Variants in CTTN observed in about 807,000 individuals in gnomAD.
CTTN encodes the protein src substrate cortactin.
Under a neutral mutation model 84.0 loss-of-function variants are expected in CTTN, and 28 were observed. The ratio of observed to expected loss-of-function variants is 0.33; its 90% CI spans 0.25 to 0.46. The LOEUF (loss-of-function observed/expected upper bound fraction) is 0.46. Ranked by LOEUF, CTTN falls within the 20% of genes least tolerant of loss-of-function variation. The pLI is 1.00. For synonymous variants in CTTN, 301 were observed against 288.8 expected, an observed-to-expected ratio of 1.04 and a Z score of -0.43; for missense variants, 641 against 723.8, an observed-to-expected ratio of 0.89 and a Z score of 1.31.
intron 11 of CTTN, chr11:70,422,354 C>G (rs1335196725): frequency 2.1e-6 from 1 of 467,718 alleles, no homozygotes; most frequent in Non-Finnish European, 3.9e-6. Flanking sequence ...GGTAGACACA[C>G]CTGGGGTGGT....
chr11:70,404,402 G>A (rs2058020352), intron 1 of CTTN, among the ~76,000 whole-genome samples: 1 of 152,128 alleles, frequency 6.6e-6, no homozygotes, highest in Non-Finnish European at 1.5e-5. Context: ...TGGGGAGCTG[G>A]AGTCTTGCTC....
intron 17 of CTTN, 24 bp downstream of exon 17, chr11:70,433,742 G>T: frequency 1.3e-6 from 2 of 1,561,954 alleles, no homozygotes; most frequent in Non-Finnish European, 8.8e-7. Context: ...AAAAGCACTT[G>T]GAGGGGAGAC....
intron 14 of CTTN, among the ~76,000 whole-genome samples, chr11:70,430,622 G>A (rs2058344440): frequency 6.6e-6 from 1 of 152,100 alleles, no homozygotes; most frequent in South Asian, 2.1e-4. Context: ...TGGGGTCTGG[G>A]GACTGCGATG....
chr11:70,406,729 A>G (rs2058044487), intron 2 of CTTN, among the ~76,000 whole-genome samples: 1 of 152,188 alleles, frequency 6.6e-6, no homozygotes, highest in African/African-American at 2.4e-5. Flanking sequence ...TTCCAAGTAG[A>G]GAGTAAAGCA....
chr11:70,417,495 ATT>A (rs796875768), intron 8 of CTTN, among the ~76,000 whole-genome samples: 1 of 141,054 alleles, frequency 7.1e-6, no homozygotes, highest in Non-Finnish European at 1.6e-5. Flanking sequence ...TGACCTGTAA[ATT>A]TTTTTTTTTT....
chr11:70,409,706 A>T, intron 4 of CTTN, 125 bp from the exon 5 acceptor site: 1 of 1,088,504 alleles, frequency 9.2e-7, no homozygotes, highest in Non-Finnish European at 1.4e-6. Context: ...AGAATCGGTG[A>T]ACATCAGATA....
Position 70,436,520 on chromosome 11 carries a change from C to T in CTTN, c.*1358C>T, listed in dbSNP as rs1009665341. On this transcript the variant is annotated 3_prime_UTR_variant, in exon 18 of 18. Transcript: ENST00000301843. ...TTGTATCTGAATTCCTGTAGCACAC[C>T]TCATAGGTATGATTTTTTTAAATTA... The T allele has an allele frequency of 2.3e-6, 2 of 869,350 alleles. No individual in the cohort carries two copies. The highest frequency in any genetic ancestry group is 3.6e-6 in the Non-Finnish European group (2 of 561,852). 53.9% of individuals were successfully genotyped at this position (869,350 alleles called of 1,614,324 possible).
chr11:70,410,624 G>A (rs1021008245), intron 5 of CTTN, among the ~76,000 whole-genome samples: 1 of 152,194 alleles, frequency 6.6e-6, no homozygotes, highest in Non-Finnish European at 1.5e-5. Context: ...AGGGAGCCAC[G>A]TTAGCTCAGG....
At chr11:70,431,141 G>T in intron 14 of CTTN, 50 bp from the exon 15 acceptor site, 1 of 1,558,350 alleles carries the variant, frequency 6.4e-7, no homozygotes, top group South Asian at 1.1e-5. Flanking sequence ...AGGCGTGACA[G>T]TGCAGAGTGT....
intron 5 of CTTN, among the ~76,000 whole-genome samples, chr11:70,410,754 C>G (rs1316921722): frequency 6.6e-6 from 1 of 152,196 alleles, no homozygotes; most frequent in Non-Finnish European, 1.5e-5. Flanking sequence ...TAAGCTTGTT[C>G]TGACCTGACA....
chr11:70,420,048 AT>A (rs1367992658), intron 9 of CTTN, 192 bp downstream of exon 9: 1 of 613,460 alleles, frequency 1.6e-6, no homozygotes, highest in African/African-American at 1.8e-5. Context: ...CTTGAGTGTT[AT>A]GGCGCTCCAG....
Position 70,435,177 on chromosome 11 carries a change from C to G in CTTN, c.*15C>G, listed in dbSNP as rs200256430. On this transcript the variant is annotated 3_prime_UTR_variant, in exon 18 of 18. Coordinates refer to ENST00000301843, the MANE Select transcript of CTTN (RefSeq NM_005231.4). Reference sequence around the variant, plus strand: ...TGCGGCAGTAGGGCCCCCAGCCCCCCCCCGGAGCTGCGCCCTGGATCCTCA... The same window carrying G: ...TGCGGCAGTAGGGCCCCCAGCCCCCGCCCGGAGCTGCGCCCTGGATCCTCA... 1.3e-3 allele frequency: 2,100 copies of G among 1,599,646 alleles called. 14 individuals carry two copies. The highest frequency in any genetic ancestry group is 0.012 in the South Asian group (1,039 of 89,924).
rs1315006182 is a variant in CTTN at position 70,435,721 on chromosome 11, T to C, written c.*559T>C. The C allele has an allele frequency of 6.3e-7, 1 of 1,598,046 alleles. No individual in the cohort carries two copies. ...TCAGATGGGAAATCTGCCTATGTCA[T>C]ACCGTGACAGCCCGCAGGATCAGGT... On this transcript the variant is annotated 3_prime_UTR_variant, in exon 18 of 18. Transcript: ENST00000301843.
chr11:70,412,247 C>A (rs529139826), intron 5 of CTTN, among the ~76,000 whole-genome samples: 3 of 152,228 alleles, frequency 2.0e-5, no homozygotes, highest in African/African-American at 7.2e-5. Context: ...GGCAACATAG[C>A]AAGACCCTAT....
At chr11:70,420,867 G>A (rs771921365) in intron 10 of CTTN, among the ~76,000 whole-genome samples, 1 of 152,124 alleles carries the variant, frequency 6.6e-6, no homozygotes. Flanking sequence ...CCTGCAGCGG[G>A]GGGCTGGGTT....
At chr11:70,414,913 C>G (rs982790649) in intron 6 of CTTN, among the ~76,000 whole-genome samples, 1 of 152,182 alleles carries the variant, frequency 6.6e-6, no homozygotes, top group Non-Finnish European at 1.5e-5. Context: ...CTGTGTCTGT[C>G]CCAATGTGCC....
chr11:70,416,083 C>G (rs2058156241), intron 7 of CTTN: 1 of 244,800 alleles, frequency 4.1e-6, no homozygotes, highest in South Asian at 8.1e-5. Context: ...TAACTTCCCC[C>G]CAAGGCTAGA....
chr11:70,427,524 G>T lies in CTTN; in HGVS notation c.1028-1527G>T, dbSNP rs73518287. The stretch of plus-strand genomic sequence containing the variant: ...ATGTTACGTTGTTTAGGAAGAACAT[G>T]TGGAATCACCTAGGTAGGCGATTGG... On this transcript the variant is annotated intron_variant, in intron 13 of 17. Coordinates refer to ENST00000301843, the MANE Select transcript of CTTN (RefSeq NM_005231.4). Among the ~76,000 whole-genome samples, 1,311 of 152,342 alleles carry T rather than the reference G, an allele frequency of 8.6e-3. 18 individuals carry two copies. Among genetic ancestry groups the T allele is most frequent in the African/African-American group, 0.03 (1,246 of 41,564 alleles).
intron 12 of CTTN, among the ~76,000 whole-genome samples, chr11:70,423,354 A>G (rs1328684308): frequency 6.6e-6 from 1 of 152,220 alleles, no homozygotes; most frequent in Non-Finnish European, 1.5e-5. Flanking sequence ...TGAGTGTGTT[A>G]GACTGCGTGT....
Sources: allele counts gnomAD v4.1 joint callset (sites outside exome capture counted in the v4.1 genomes callset), GRCh38; gene constraint gnomAD v4.1.1; transcripts MANE v1.5; gene names NCBI Gene and HGNC (gene_info 2026-07-23, HGNC 2026-07-21).